Variants in AMOTL2 observed in about 807,000 individuals in gnomAD.
The protein encoded by AMOTL2 is angiomotin-like protein 2.
AMOTL2 carries 33 observed loss-of-function variants against 78.4 expected under a neutral mutation model. The observed-to-expected ratio is 0.42, with a 90% confidence interval of 0.32 to 0.56. The LOEUF is 0.56. Ranked by LOEUF, AMOTL2 falls within the 20% of genes least tolerant of loss-of-function variation. AMOTL2 has a pLI of 0.12. For synonymous variants in AMOTL2, 422 were observed against 428.8 expected (o/e 0.98, Z 0.20); for missense variants, 983 against 1,030.1 (o/e 0.95, Z 0.63).
rs1374239372 is a variant in AMOTL2, at chr3:134,356,090, TAA to T, written c.*1613_*1614del. The T allele has an allele frequency of 6.6e-6, 1 of 152,594 alleles. No individual in the cohort carries two copies. Among genetic ancestry groups the T allele is most frequent in the Non-Finnish European group, 1.5e-5 (1 of 68,042 alleles). 9.5% of individuals were successfully genotyped at this position (152,594 alleles called of 1,614,324 possible). A position where few individuals can be genotyped will look rare whatever the true frequency, so the allele number is the denominator to read the frequency against. On this transcript the variant is annotated 3_prime_UTR_variant, in exon 10 of 10. Coordinates refer to ENST00000249883, the MANE Select transcript of AMOTL2 (RefSeq NM_016201.4). ...TACCAAATATTAATCCAAAATATATTAAGTTGTTTTTTTTCTTTCACAATATT... is the reference window on the plus strand; with the variant it reads ...TACCAAATATTAATCCAAAATATATTGTTGTTTTTTTTCTTTCACAATATT...
intron 5 of AMOTL2, among the ~76,000 whole-genome samples, chr3:134,363,310 G>A (rs572969429): frequency 6.8e-6 from 1 of 148,074 alleles, no homozygotes; most frequent in Non-Finnish European, 1.5e-5. Context: ...GAAAATACGA[G>A]GAAGTCCAAT....
At chr3:134,375,060 GT>G, upstream of AMOTL2, 1 of 1,464,804 alleles carries the variant, frequency 6.8e-7, no homozygotes, top group South Asian at 1.4e-5. Flanking sequence ...AACCCCCGCT[GT>G]TTTCACCCCC....
chr3:134,372,638 C>T (rs1419816628), intron 1 of AMOTL2, among the ~76,000 whole-genome samples: 4 of 152,028 alleles, frequency 2.6e-5, no homozygotes, highest in Non-Finnish European at 5.9e-5. Flanking sequence ...TCTTTCTTGA[C>T]ATCAGTGTCA....
chr3:134,361,393 T>A (rs2017354663), intron 6 of AMOTL2, 119 bp downstream of exon 6: 10 of 1,227,188 alleles, frequency 8.1e-6, no homozygotes, highest in Non-Finnish European at 1.1e-5. Context: ...GCCTGCAGCC[T>A]AGATCTAAGC....
rs568571901 is a variant in AMOTL2, at chr3:134,371,440, T to C, written c.-7A>G. ...AGTCTTCCAGTGTCCTCATGCTTCTTTGGCTTGCACACAGCTGCCTGGACA... is the reference window on the plus strand; with the variant it reads ...AGTCTTCCAGTGTCCTCATGCTTCTCTGGCTTGCACACAGCTGCCTGGACA... On this transcript the variant is annotated 5_prime_UTR_variant, in exon 2 of 10. Transcript: ENST00000249883. 2.9e-4 allele frequency: 463 copies of C among 1,600,700 alleles called. 6 individuals carry two copies. The South Asian group carries it at 4.6e-3, about 16-fold the overall frequency.
At chr3:134,375,035 G>C, upstream of AMOTL2, 1 of 1,447,176 alleles carries the variant, frequency 6.9e-7, no homozygotes, top group Admixed American at 2.5e-5. Context: ...TCCAGCCACA[G>C]AGCCTCTTTC....
rs2017129050 is a variant in AMOTL2 at position 134,357,573 on chromosome 3, T to C, written c.*132A>G. 11 of 951,654 alleles carry C rather than the reference T, an allele frequency of 1.2e-5. No homozygotes were observed. Among genetic ancestry groups the C allele is most frequent in the African/African-American group, 4.8e-5 (3 of 62,344 alleles). The allele number at this position is 951,654 out of a possible 1,614,324, so 59.0% of individuals were successfully genotyped here. A position where few individuals can be genotyped will look rare whatever the true frequency, so the allele number is the denominator to read the frequency against. ...CTCCTCCTGAGCTCCTGGGACCAGA[T>C]GGTCAATGGGAATGAGTGTCTGGCT... On this transcript the variant is annotated 3_prime_UTR_variant, in exon 10 of 10. Transcript: ENST00000249883.
At chr3:134,368,540 CTG>C (rs1414823035) in intron 2 of AMOTL2, among the ~76,000 whole-genome samples, 1 of 152,204 alleles carries the variant, frequency 6.6e-6, no homozygotes, top group Non-Finnish European at 1.5e-5. Context: ...GCCCCACAGA[CTG>C]GGCATTGCTC....
At chr3:134,358,749 T>G (rs780629799) in intron 8 of AMOTL2, 30 bp from the exon 9 acceptor site, 5 of 1,612,730 alleles carry the variant, frequency 3.1e-6, no homozygotes, top group Non-Finnish European at 3.4e-6. Flanking sequence ...GTTATTGCCA[T>G]GCCTGTAAGA....
intron 1 of AMOTL2, among the ~76,000 whole-genome samples, chr3:134,373,017 T>C (rs1320470851): frequency 6.6e-6 from 1 of 152,144 alleles, no homozygotes; most frequent in Non-Finnish European, 1.5e-5. Context: ...GTTTGGGCTA[T>C]GGCATGTTGG....
rs564785991 is a variant in AMOTL2, at chr3:134,356,904, G to C, written c.*801C>G. ...CAGCCGAGATCCTGGGAATCGAGCAGCTTTAACATCCACGGGCCAGGAACT... is the reference window on the plus strand; with the variant it reads ...CAGCCGAGATCCTGGGAATCGAGCACCTTTAACATCCACGGGCCAGGAACT... On this transcript the variant is annotated 3_prime_UTR_variant, in exon 10 of 10. Transcript: ENST00000249883. 1 of 152,650 alleles carries C rather than the reference G, an allele frequency of 6.6e-6. No individual in the cohort carries two copies. Among genetic ancestry groups the C allele is most frequent in the South Asian group, 2.1e-4 (1 of 4,812 alleles). The allele number at this position is 152,650 out of a possible 1,614,324, so 9.5% of individuals were successfully genotyped here. A position where few individuals can be genotyped will look rare whatever the true frequency, so the allele number is the denominator to read the frequency against.
Position 134,371,294 on chromosome 3 carries a change from C to T in AMOTL2, c.140G>A (p.Gly47Asp). The T allele has an allele frequency of 4.3e-6, 7 of 1,612,296 alleles. No homozygotes were observed. Among genetic ancestry groups the T allele is most frequent in the Non-Finnish European group, 5.9e-6 (7 of 1,179,992 alleles). ...QALRGGAGTG[G>D]TGSPQASLEI... ...CAGGGAGGCCTGGGGGCTCCCTGTACCCCCAGTTCCAGCCCCACCCCTCAG... is the reference window on the plus strand; with the variant it reads ...CAGGGAGGCCTGGGGGCTCCCTGTATCCCCAGTTCCAGCCCCACCCCTCAG... The change falls in exon 2 of 10, where the codon GGT (glycine) becomes GAT (aspartate). Residue 47 changes from glycine (G) to aspartate (D), a missense_variant. Physicochemically the swap from Gly to Asp is moderately conservative, Grantham distance 94. Coordinates refer to ENST00000249883, the MANE Select transcript of AMOTL2 (RefSeq NM_016201.4).
chr3:134,360,945 C>T (rs1401385010), intron 6 of AMOTL2, among the ~76,000 whole-genome samples: 1 of 152,090 alleles, frequency 6.6e-6, no homozygotes, highest in Admixed American at 6.5e-5. Context: ...AGGCCAAGGT[C>T]GGCGGACCAC....
rs139298691 is a variant in AMOTL2 at position 134,365,885 on chromosome 3, C to A, written c.1211G>T (p.Arg404Leu). Residue 404 changes from arginine (R) to leucine (L), a missense_variant, in exon 5 of 10, where the codon CGC (arginine) becomes CTC (leucine). Coordinates refer to ENST00000249883, the MANE Select transcript of AMOTL2 (RefSeq NM_016201.4). ...LRERLESANR[R>L]LASKTQEAQA... ...GGCCTCCTGTGTCTTGCTTGCCAGG[C>A]GGCGATTTGCAGATTCCAATCTCTC... 3.1e-6 allele frequency: 5 copies of A among 1,614,202 alleles called. No homozygotes were observed. Among genetic ancestry groups the A allele is most frequent in the Middle Eastern group, 1.6e-4 (1 of 6,062 alleles).
intron 2 of AMOTL2, 147 bp downstream of exon 2, chr3:134,370,553 G>T: frequency 9.2e-7 from 1 of 1,081,748 alleles, no homozygotes; most frequent in Non-Finnish European, 1.3e-6. Flanking sequence ...CCTCTTCTCT[G>T]CCAGGCATTA....
chr3:134,360,201 G>A lies in AMOTL2; in HGVS notation c.1788C>T (p.Thr596=). 1 of 1,614,124 alleles carries A rather than the reference G, an allele frequency of 6.2e-7. No homozygotes were observed. Among genetic ancestry groups the A allele is most frequent in the Middle Eastern group, 1.6e-4 (1 of 6,062 alleles). The part of the protein sequence containing the change: ...AAATAAAQRD[T]TLIRHSPQPS... The stretch of plus-strand genomic sequence containing the variant: ...GCTGGGGGGAATGTCGGATGAGAGT[G>A]GTGTCACGCTGAGCAGCAGCCGTGG... The change falls in exon 7 of 10, where the codon ACC becomes ACT. Residue 596 remains threonine, a synonymous_variant. Coordinates refer to ENST00000249883, the MANE Select transcript of AMOTL2 (RefSeq NM_016201.4).
chr3:134,371,042 C>A lies in AMOTL2; in HGVS notation c.392G>T (p.Arg131Leu), dbSNP rs577815037. 1 of 1,607,156 alleles carries A rather than the reference C, an allele frequency of 6.2e-7. No individual in the cohort carries two copies. Among genetic ancestry groups the A allele is most frequent in the Non-Finnish European group, 8.5e-7 (1 of 1,176,868 alleles). The change falls in exon 2 of 10, where the codon CGA becomes CTA. Residue 131 changes from arginine (R) to leucine (L), a missense_variant. Coordinates refer to ENST00000249883, the MANE Select transcript of AMOTL2 (RefSeq NM_016201.4). The stretch of plus-strand genomic sequence containing the variant: ...GCCTCCCGGGGCCCCACGGGGATCT[C>A]GGTCCCCCGCATGTGGCCGGGTCCC... ...QAGTRPHAGD[R>L]DPRGAPGGSR... is the part of the protein sequence containing the mutation.
intron 9 of AMOTL2, among the ~76,000 whole-genome samples, chr3:134,358,203 G>A (rs371109427): frequency 6.6e-6 from 1 of 152,316 alleles, no homozygotes; most frequent in African/African-American, 2.4e-5. Flanking sequence ...CATGACTTGC[G>A]AGCTCCATTC....
chr3:134,372,087 G>A (rs2017888665), intron 1 of AMOTL2, among the ~76,000 whole-genome samples: 1 of 152,118 alleles, frequency 6.6e-6, no homozygotes, highest in African/African-American at 2.4e-5. Flanking sequence ...AGGCATGCCA[G>A]AGTCCAGCCT....
Sources: gnomAD v4.1 joint callset for allele counts (sites outside exome capture counted in the v4.1 genomes callset) on GRCh38, gnomAD v4.1.1 for gene constraint, MANE v1.5 for transcripts, NCBI Gene and HGNC (gene_info 2026-07-23, HGNC 2026-07-21) for gene names.